SOX6: variants seen among roughly 807,000 people sequenced by gnomAD.
SOX6 encodes SRY-box transcription factor 6, also known as transcription factor SOX-6.
Under a neutral mutation model 97.8 loss-of-function variants are expected in SOX6, and 11 were observed. That is an observed-to-expected ratio of 0.11 (90% CI 0.07 to 0.19). The LOEUF (loss-of-function observed/expected upper bound fraction) is 0.19, where lower values mean the gene tolerates loss of function less well. Among genes scored for constraint, SOX6 ranks in the 10% least tolerant of loss-of-function variants. The pLI is 1.00. For synonymous variants in SOX6, 360 were observed against 371.4 expected, an observed-to-expected ratio of 0.97 and a Z score of 0.35; for missense variants, 810 against 1,039.5, an observed-to-expected ratio of 0.78 and a Z score of 3.04.
At chr11:16,606,161 G>A (rs2133980061) in intron 4 of SOX6, among the ~76,000 whole-genome samples, 1 of 151,544 alleles carries the variant, frequency 6.6e-6, no homozygotes, top group South Asian at 2.1e-4. Context: ...GTGTGACTAG[G>A]GCTCTCCCGG....
At chr11:16,104,250 A>C (rs1203731081) in intron 7 of SOX6, among the ~76,000 whole-genome samples, 1 of 152,038 alleles carries the variant, frequency 6.6e-6, no homozygotes, top group Non-Finnish European at 1.5e-5. Context: ...TTACAATAGC[A>C]GTTCATATCT....
chr11:16,108,420 T>A (rs2133990626), intron 7 of SOX6, among the ~76,000 whole-genome samples: 1 of 152,274 alleles, frequency 6.6e-6, no homozygotes, highest in East Asian at 1.9e-4. Context: ...GGCAAGCTGA[T>A]CTTGATTGGA....
intron 12 of SOX6, among the ~76,000 whole-genome samples, chr11:16,038,600 G>A (rs567607368): frequency 1.3e-5 from 2 of 152,198 alleles, no homozygotes; most frequent in African/African-American, 4.8e-5. Context: ...TTTATAGATT[G>A]GGAAACTTAA....
chr11:16,546,482 C>T (rs1168727188), intron 4 of SOX6, among the ~76,000 whole-genome samples: 4 of 152,062 alleles, frequency 2.6e-5, no homozygotes, highest in Admixed American at 6.6e-5. Flanking sequence ...CACTAATTTT[C>T]GACAAAGGTG....
chr11:16,485,215 C>G (rs1388331792), intron 4 of SOX6, among the ~76,000 whole-genome samples: 1 of 152,100 alleles, frequency 6.6e-6, no homozygotes, highest in African/African-American at 2.4e-5. Flanking sequence ...TACTGCTCTC[C>G]TGAAAGAATA....
chr11:16,712,379 G>A (rs1848188533), intron 3 of SOX6, among the ~76,000 whole-genome samples: 1 of 151,816 alleles, frequency 6.6e-6, no homozygotes, highest in African/African-American at 2.4e-5. Context: ...GTGTAGAAGT[G>A]TTCCCTGTTC....
chr11:16,424,264 G>A (rs1036921298), intron 1 of SOX6, among the ~76,000 whole-genome samples: 1 of 152,190 alleles, frequency 6.6e-6, no homozygotes, highest in Non-Finnish European at 1.5e-5. Flanking sequence ...GAAGAAATCT[G>A]AATTATTTGT....
Position 15,968,133 on chromosome 11 carries a change from A to G in SOX6, c.*4676T>C, listed in dbSNP as rs1853194724. 1.3e-5 allele frequency: 2 copies of G among 152,246 alleles called. No individual in the cohort carries two copies. Among genetic ancestry groups the G allele is most frequent in the Admixed American group, 1.3e-4 (2 of 15,282 alleles). 9.4% of individuals were successfully genotyped at this position (152,246 alleles called of 1,614,324 possible). On this transcript the variant is annotated 3_prime_UTR_variant, in exon 16 of 16. Coordinates refer to ENST00000683767, the MANE Select transcript of SOX6 (RefSeq NM_001367873.1). ...GAAGTTGTTTATTAGGGAAGAAAAC[A>G]TGTCAGGGAGCAGATGACTTAAGGA...
At chr11:16,472,765 G>T (rs1860161739) in intron 1 of SOX6, among the ~76,000 whole-genome samples, 3 of 151,882 alleles carry the variant, frequency 2.0e-5, no homozygotes, top group Admixed American at 2.0e-4. Flanking sequence ...CAATAGCTCT[G>T]CTTAAATAGA....
intron 13 of SOX6, among the ~76,000 whole-genome samples, chr11:16,002,174 G>A (rs747750631): frequency 2.6e-5 from 4 of 152,174 alleles, no homozygotes; most frequent in Non-Finnish European, 5.9e-5. Context: ...GAGTGGCGCA[G>A]GAGTTATAAA....
At chr11:16,245,563 T>C (rs1374298694) in intron 3 of SOX6, among the ~76,000 whole-genome samples, 3 of 151,758 alleles carry the variant, frequency 2.0e-5, no homozygotes, top group African/African-American at 7.2e-5. Flanking sequence ...GCTGTGTCTT[T>C]TTCTTCTTTT....
chr11:16,712,577 G>C (rs1341478812), intron 3 of SOX6, among the ~76,000 whole-genome samples: 1 of 152,010 alleles, frequency 6.6e-6, no homozygotes, highest in Non-Finnish European at 1.5e-5. Context: ...CATGTCCTTA[G>C]TTACTAGAAC....
intron 4 of SOX6, among the ~76,000 whole-genome samples, chr11:16,214,050 A>T (rs549998117): frequency 6.6e-6 from 1 of 152,216 alleles, no homozygotes; most frequent in African/African-American, 2.4e-5. Context: ...AATGTTCTAC[A>T]TCTATGCTGC....
At chr11:16,076,541 C>T (rs1359850714) in intron 9 of SOX6, among the ~76,000 whole-genome samples, 1 of 151,964 alleles carries the variant, frequency 6.6e-6, no homozygotes, top group African/African-American at 2.4e-5. Context: ...TCTCCCACTG[C>T]TATAAAGAAA....
At chr11:15,980,709 A>C (rs1292015122) in intron 15 of SOX6, among the ~76,000 whole-genome samples, 1 of 152,004 alleles carries the variant, frequency 6.6e-6, no homozygotes, top group Non-Finnish European at 1.5e-5. Flanking sequence ...TACTTCCCAT[A>C]AGTCTGACCT....
At chr11:16,724,726 CAT>C (rs1848293416) in intron 2 of SOX6, among the ~76,000 whole-genome samples, 2 of 152,280 alleles carry the variant, frequency 1.3e-5, no homozygotes, top group Middle Eastern at 3.4e-3. Context: ...GACTTTAGTG[CAT>C]GTGTGTGTAT....
chr11:16,481,917 A>G (rs759038698), intron 4 of SOX6, among the ~76,000 whole-genome samples: 1 of 151,988 alleles, frequency 6.6e-6, no homozygotes, highest in Non-Finnish European at 1.5e-5. Flanking sequence ...TAGTATTATA[A>G]AGTATTTTAT....
At chr11:16,471,241 A>G (rs2133115817) in intron 1 of SOX6, among the ~76,000 whole-genome samples, 1 of 152,190 alleles carries the variant, frequency 6.6e-6, no homozygotes, top group African/African-American at 2.4e-5. Context: ...TTAGGAAAAG[A>G]AAAAAAGGAA....
intron 3 of SOX6, among the ~76,000 whole-genome samples, chr11:16,692,440 C>G (rs973358208): frequency 1.3e-5 from 2 of 152,144 alleles, no homozygotes; most frequent in Non-Finnish European, 2.9e-5. Context: ...CTCCTCAATG[C>G]AGCCTGCCCC....
Sources: gnomAD v4.1 joint callset for allele counts (sites outside exome capture counted in the v4.1 genomes callset) on GRCh38, gnomAD v4.1.1 for gene constraint, MANE v1.5 for transcripts, NCBI Gene and HGNC (gene_info 2026-07-23, HGNC 2026-07-21) for gene names.